Variants in ZAR1 observed in about 807,000 individuals in gnomAD.
ZAR1 encodes the protein zygote arrest protein 1.
ZAR1 carries 37 observed loss-of-function variants against 38.3 expected under a neutral mutation model. The observed-to-expected ratio is 0.97, with a 90% CI of 0.74 to 1.27. ZAR1 has a LOEUF of 1.27. Ranked by LOEUF, ZAR1 falls within the 50% of genes most tolerant of loss-of-function variation. ZAR1 has a pLI of 0.00. For missense variants in ZAR1, 651 were observed against 632.4 expected (o/e 1.03, Z -0.32); for synonymous variants, 336 against 292.0 (o/e 1.15, Z -1.53).
Position 48,490,874 on chromosome 4 carries a change from G to C in ZAR1, c.583G>C (p.Glu195Gln), listed in dbSNP as rs760404099. 2 of 1,438,064 alleles carry C rather than the reference G, an allele frequency of 1.4e-6. No individual in the cohort carries two copies. The highest frequency in any genetic ancestry group is 1.8e-6 in the Non-Finnish European group (2 of 1,099,446). 89.1% of individuals were successfully genotyped at this position (1,438,064 alleles called of 1,614,324 possible). ...CTTGCGCCGTCTCACCGCCTTCCTGGAGGGGCCCGGGCCCGCGGCGGGCGA... is the reference window on the plus strand; with the variant it reads ...CTTGCGCCGTCTCACCGCCTTCCTGCAGGGGCCCGGGCCCGCGGCGGGCGA... ...LALRRLTAFL[E>Q]GPGPAAGEQR... The change falls in exon 1 of 4, where the codon GAG becomes CAG. Residue 195 changes from glutamate (E) to glutamine (Q), a missense_variant. Coordinates refer to ENST00000327939, the MANE Select transcript of ZAR1 (RefSeq NM_175619.3).
Position 48,490,730 on chromosome 4 carries a change from G to A in ZAR1, c.439G>A (p.Gly147Ser). The part of the protein sequence containing the change: ...PAGPGAEGTT[G>S]GGSFSQQPSR... ...CGGCCCCGGGGCCGAGGGCACCACG[G>A]GTGGCGGCTCTTTCTCCCAGCAGCC... Residue 147 changes from glycine to serine, a missense_variant, in exon 1 of 4, where the codon GGT becomes AGT. By Grantham distance (56) the Gly-to-Ser change is moderately conservative. Around this residue, in one of 2 missense-constraint regions of ZAR1, gnomAD observed 522 missense variants for 459.9 expected, o/e 1.14. Transcript: ENST00000327939. The A allele has an allele frequency of 7.3e-7, 1 of 1,373,108 alleles. No homozygotes were observed. Among genetic ancestry groups the A allele is most frequent in the Non-Finnish European group, 9.4e-7 (1 of 1,066,546 alleles). The allele number at this position is 1,373,108 out of a possible 1,614,324, so 85.1% of individuals were successfully genotyped here. A position where few individuals can be genotyped will look rare whatever the true frequency, so the allele number is the denominator to read the frequency against.
Position 48,490,936 on chromosome 4 carries a change from GCCGCCCGCGCGGC to G in ZAR1, c.646_658del (p.Pro216PhefsTer59). On this transcript the variant is annotated frameshift_variant, in exon 1 of 4. Coordinates refer to ENST00000327939, the MANE Select transcript of ZAR1 (RefSeq NM_175619.3). LOFTEE classifies it high-confidence loss of function. ...GGGCGTCGGACGGAGAGAGGGGGCC[GCCGCCCGCGCGGC>G]TTCAAGGCCCAGAGGAGGGGGAGGT... 7.5e-7 allele frequency: 1 copy of G among 1,342,054 alleles called. No homozygotes were observed. The highest frequency in any genetic ancestry group is 1.8e-5 in the South Asian group (1 of 54,610). The allele number at this position is 1,342,054 out of a possible 1,614,324, so 83.1% of individuals were successfully genotyped here.
intron 3 of ZAR1, among the ~76,000 whole-genome samples, chr4:48,493,546 G>C (rs1166067725): frequency 6.6e-6 from 1 of 152,228 alleles, no homozygotes; most frequent in Non-Finnish European, 1.5e-5. Context: ...TATTAACTGT[G>C]CTAAGGGGCT....
Position 48,490,855 on chromosome 4 carries a change from C to T in ZAR1, c.564C>T (p.Arg188=). The part of the protein sequence containing the change: ...TVAVYSPLAL[R]RLTAFLEGPG... ...CCGTGTACTCGCCCCTGGCCTTGCG[C>T]CGTCTCACCGCCTTCCTGGAGGGGC... The change falls in exon 1 of 4, where the codon CGC becomes CGT. Residue 188 remains arginine, a synonymous_variant. Coordinates refer to ENST00000327939, the MANE Select transcript of ZAR1 (RefSeq NM_175619.3). 1 of 1,472,758 alleles carries T rather than the reference C, an allele frequency of 6.8e-7. No homozygotes were observed. The highest frequency in any genetic ancestry group is 8.9e-7 in the Non-Finnish European group (1 of 1,117,728). The allele number at this position is 1,472,758 out of a possible 1,614,324, so 91.2% of individuals were successfully genotyped here.
At chr4:48,491,578 AT>A (rs1718444906) in intron 1 of ZAR1, among the ~76,000 whole-genome samples, 1 of 152,142 alleles carries the variant, frequency 6.6e-6, no homozygotes, top group Non-Finnish European at 1.5e-5. Context: ...GCACGGTTGG[AT>A]TACCTATCAG....
intron 1 of ZAR1, among the ~76,000 whole-genome samples, chr4:48,491,723 C>G (rs1446870198): frequency 1.3e-5 from 2 of 152,244 alleles, no homozygotes; most frequent in African/African-American, 4.8e-5. Flanking sequence ...CTGATTTCTC[C>G]TTTACGAGCT....
At chr4:48,491,319 C>A in intron 1 of ZAR1, 65 bp downstream of exon 1, 3 of 1,162,616 alleles carry the variant, frequency 2.6e-6, no homozygotes, top group Non-Finnish European at 3.2e-6. Context: ...TTGGGCCTGG[C>A]CCTGTGACTG....
downstream of ZAR1, among the ~76,000 whole-genome samples, chr4:48,496,876 CT>C (rs1396680067): frequency 1.3e-5 from 2 of 152,084 alleles, no homozygotes; most frequent in Non-Finnish European, 2.9e-5. Context: ...CGTCTTTCTC[CT>C]TTTGTTTAGG....
downstream of ZAR1, among the ~76,000 whole-genome samples, chr4:48,496,246 C>CT (rs1170402993): frequency 6.6e-6 from 1 of 152,122 alleles, no homozygotes; most frequent in African/African-American, 2.4e-5. Flanking sequence ...ATGACAAGAA[C>CT]TGGTGTGGGT....
Position 48,491,145 on chromosome 4 carries a change from C to G in ZAR1, c.854C>G (p.Pro285Arg). Residue 285 changes from proline (P) to arginine (R), a missense_variant, in exon 1 of 4, where the codon CCG becomes CGG. By Grantham distance (103) the Pro-to-Arg change is moderately radical. Coordinates refer to ENST00000327939, the MANE Select transcript of ZAR1 (RefSeq NM_175619.3). ...GCGCTAAGGAGCCCGGGGCAACCTCCGTCGGCGGGGAGGGCCCGAGACGGC... is the reference window on the plus strand; with the variant it reads ...GCGCTAAGGAGCCCGGGGCAACCTCGGTCGGCGGGGAGGGCCCGAGACGGC... ...RSALRSPGQP[P>R]SAGRARDGGD... 5.6e-6 allele frequency: 7 copies of G among 1,241,190 alleles called. No homozygotes were observed. The highest frequency in any genetic ancestry group is 7.0e-6 in the Non-Finnish European group (7 of 994,224). 76.9% of individuals were successfully genotyped at this position (1,241,190 alleles called of 1,614,324 possible).
Position 48,490,493 on chromosome 4 carries a change from C to G in ZAR1, c.202C>G (p.Arg68Gly). 6.8e-7 allele frequency: 1 copy of G among 1,468,740 alleles called. No individual in the cohort carries two copies. The highest frequency in any genetic ancestry group is 8.9e-7 in the Non-Finnish European group (1 of 1,119,320). The allele number at this position is 1,468,740 out of a possible 1,614,324, so 91.0% of individuals were successfully genotyped here. A position where few individuals can be genotyped will look rare whatever the true frequency, so the allele number is the denominator to read the frequency against. ...AASLSFPGCG[R>G]LTAAEYFDSY... ...CTCGTTGTCCTTCCCGGGCTGCGGG[C>G]GGCTGACGGCCGCCGAGTACTTCGA... Residue 68 changes from arginine (R) to glycine (G), a missense_variant, in exon 1 of 4, where the codon CGG becomes GGG. This residue lies in a region of ZAR1 where 522 missense variants were observed against 459.9 expected (regional missense o/e 1.14). Transcript: ENST00000327939.
At chr4:48,496,824 A>G (rs2148676754), downstream of ZAR1, among the ~76,000 whole-genome samples, 1 of 152,282 alleles carries the variant, frequency 6.6e-6, no homozygotes, top group South Asian at 2.1e-4. Flanking sequence ...AAAATTAGGG[A>G]AAAAATGCTA....
At chr4:48,497,397 A>G (rs1718684214), downstream of ZAR1, 1 of 152,470 alleles carries the variant, frequency 6.6e-6, no homozygotes. Flanking sequence ...ATATTAATAG[A>G]CTTAGTTACA....
At position 48,491,097 on chromosome 4, in the gene ZAR1, A is replaced by G; in HGVS notation, c.806A>G (p.Glu269Gly). 7.8e-7 allele frequency: 1 copy of G among 1,277,914 alleles called. No individual in the cohort carries two copies. The highest frequency in any genetic ancestry group is 9.9e-7 in the Non-Finnish European group (1 of 1,014,628). 79.2% of individuals were successfully genotyped at this position (1,277,914 alleles called of 1,614,324 possible). ...GPELPPREAQEGEAAPRSALR... is the reference protein window; with the variant it reads ...GPELPPREAQGGEAAPRSALR... ...GAGCTGCCGCCGCGAGAGGCCCAGGAGGGCGAGGCGGCTCCGCGGTCGGCG... is the reference window on the plus strand; with the variant it reads ...GAGCTGCCGCCGCGAGAGGCCCAGGGGGGCGAGGCGGCTCCGCGGTCGGCG... The change falls in exon 1 of 4, where the codon GAG (glutamate) becomes GGG (glycine). Residue 269 changes from glutamate (E) to glycine (G), a missense_variant. Physicochemically the swap from Glu to Gly is moderately conservative, Grantham distance 98 (BLOSUM62 -2). Coordinates refer to ENST00000327939, the MANE Select transcript of ZAR1 (RefSeq NM_175619.3).
downstream of ZAR1, among the ~76,000 whole-genome samples, chr4:48,495,164 A>G (rs1718551472): frequency 6.6e-6 from 1 of 152,162 alleles, no homozygotes; most frequent in Non-Finnish European, 1.5e-5. Context: ...GCTTCTCATG[A>G]CAACACTGAG....
chr4:48,495,156 T>C (rs1718551203), downstream of ZAR1, among the ~76,000 whole-genome samples: 1 of 152,172 alleles, frequency 6.6e-6, no homozygotes, highest in African/African-American at 2.4e-5. Flanking sequence ...GTCTAGTAGC[T>C]TCTCATGACA....
chr4:48,491,956 C>T (rs775413049), intron 1 of ZAR1, among the ~76,000 whole-genome samples: 5 of 152,158 alleles, frequency 3.3e-5, no homozygotes, highest in Non-Finnish European at 5.9e-5. Flanking sequence ...GTAAGAAGCC[C>T]GAGGGAGTCC....
chr4:48,492,682 A>C, intron 1 of ZAR1, 84 bp from the exon 2 acceptor site: 1 of 1,388,896 alleles, frequency 7.2e-7, no homozygotes, highest in Non-Finnish European at 1.0e-6. Flanking sequence ...CCAATTTCAA[A>C]TATCAAGTAG....
At position 48,490,529 on chromosome 4, in the gene ZAR1, C is replaced by A. The variant is rs73144650; in HGVS notation, c.238C>A (p.Arg80=). The change falls in exon 1 of 4, where the codon CGG becomes AGG. Residue 80 remains arginine (R), a synonymous_variant. Coordinates refer to ENST00000327939, the MANE Select transcript of ZAR1 (RefSeq NM_175619.3). ...CGCCGAGTACTTCGACAGCTACCAGCGGGAGCGGCTCATGGCTCTCCTGGC... is the reference window on the plus strand; with the variant it reads ...CGCCGAGTACTTCGACAGCTACCAGAGGGAGCGGCTCATGGCTCTCCTGGC... The part of the protein sequence containing the change: ...TAAEYFDSYQ[R]ERLMALLAQV... 3.8e-3 allele frequency: 5,593 copies of A among 1,472,500 alleles called. 195 individuals carry two copies. The African/African-American group carries it at 0.074, about 19-fold the overall frequency. 91.2% of individuals were successfully genotyped at this position (1,472,500 alleles called of 1,614,324 possible). A position where few individuals can be genotyped will look rare whatever the true frequency, so the allele number is the denominator to read the frequency against.
Sources: gnomAD v4.1 joint callset for allele counts (sites outside exome capture counted in the v4.1 genomes callset) on GRCh38, gnomAD v4.1.1 for gene constraint, gnomAD v4.1.1 regional missense constraint, MANE v1.5 for transcripts, NCBI Gene and HGNC (gene_info 2026-07-23, HGNC 2026-07-21) for gene names.